POLA1: variants seen among roughly 807,000 people sequenced by gnomAD.
POLA1 encodes the protein DNA polymerase alpha 1, catalytic subunit, also known as DNA polymerase alpha catalytic subunit.
In POLA1, 15 loss-of-function variants were observed where a neutral mutation model predicts 124.0. The observed-to-expected ratio is 0.12, with a 90% CI of 0.08 to 0.19. The LOEUF (loss-of-function observed/expected upper bound fraction) is 0.19. Ranked by LOEUF, POLA1 falls within the 10% of genes least tolerant of loss-of-function variation. The probability of loss-of-function intolerance (pLI) is 1.00; values close to 1 mark genes in which losing one functional copy is unlikely to be tolerated. For missense variants in POLA1, 886 were observed against 1,103.4 expected (o/e 0.80, Z 2.79); for synonymous variants, 408 against 389.4 (o/e 1.05, Z -0.56).
At chrX:24,899,522 C>T in intron 35 of POLA1, among the ~76,000 whole-genome samples, 1 of 111,496 alleles carries the variant, frequency 9.0e-6, no homozygotes, top group Non-Finnish European at 1.9e-5. Flanking sequence ...TCCTAAGCCA[C>T]TCAAGCCTAA....
intron 16 of POLA1, among the ~76,000 whole-genome samples, chrX:24,732,672 T>G (rs1240996038): frequency 9.2e-6 from 1 of 109,254 alleles, no homozygotes; most frequent in Non-Finnish European, 1.9e-5. Flanking sequence ...TTCATTTTTT[T>G]TTTTCTAGGA....
rs552877200 is a variant in POLA1 at position 24,773,285 on chromosome X, T to C, written c.2964+24293T>C. Among the ~76,000 whole-genome samples, 9 of 112,409 alleles carry C rather than the reference T, an allele frequency of 8.0e-5. No individual in the cohort carries two copies. The South Asian group carries it at 3.4e-3, about 42-fold the overall frequency. On this transcript the variant is annotated intron_variant, in intron 26 of 36. Coordinates refer to ENST00000379068, the MANE Select transcript of POLA1 (RefSeq NM_001330360.2). ...GAAAGGTTTTATTAGTGGGTTATTG[T>C]CAACTGGGAGGGACACCTTGTGTGG...
rs1468411786 is a variant in POLA1, at chrX:24,706,132, A to G, written c.346+1663A>G. ...TATTGTTGATCCTTTCTCTTCTTTT[A>G]AAAATTAATGCTTCAGACTCATGTA... On this transcript the variant is annotated intron_variant, in intron 4 of 36. Coordinates refer to ENST00000379068, the MANE Select transcript of POLA1 (RefSeq NM_001330360.2). Among the ~76,000 whole-genome samples the G allele has an allele frequency of 4.5e-5, 5 of 112,333 alleles. No individual in the cohort carries two copies. In the East Asian group the frequency reaches 1.4e-3, roughly 31 times the overall value.
In POLA1 at chrX:24,720,795, A is replaced by G. The variant is rs149613317; in HGVS notation, c.1088-2360A>G. The stretch of plus-strand genomic sequence containing the variant: ...TTGCAGGGTAAGGATCTAGAGCTGC[A>G]TTGTCCACTGTGGTAGCCACCAGCC... On this transcript the variant is annotated intron_variant, in intron 10 of 36. Coordinates refer to ENST00000379068, the MANE Select transcript of POLA1 (RefSeq NM_001330360.2). Among the ~76,000 whole-genome samples, 77 of 112,527 alleles carry G rather than the reference A, an allele frequency of 6.8e-4. No homozygotes were observed. The East Asian group carries it at 0.02, about 30-fold the overall frequency.
intron 36 of POLA1, among the ~76,000 whole-genome samples, chrX:24,959,331 G>C (rs2048143771): frequency 1.8e-5 from 2 of 110,643 alleles, no homozygotes; most frequent in South Asian, 7.9e-4. Flanking sequence ...GGGCATGGTG[G>C]TACACGCCTG....
chrX:24,794,935 A>C (rs2045579099), intron 26 of POLA1, among the ~76,000 whole-genome samples: 1 of 110,686 alleles, frequency 9.0e-6, no homozygotes, highest in Middle Eastern at 4.6e-3. Context: ...TCAAAATCCA[A>C]GTTGGTCTTC....
chrX:24,823,643 A>G (rs765324750), intron 31 of POLA1, among the ~76,000 whole-genome samples: 1 of 111,713 alleles, frequency 9.0e-6, no homozygotes, highest in Non-Finnish European at 1.9e-5. Context: ...ACCTCACGTG[A>G]TCCTCCTGCC....
At chrX:24,883,774 G>A (rs892649567) in intron 34 of POLA1, among the ~76,000 whole-genome samples, 3 of 111,879 alleles carry the variant, frequency 2.7e-5, no homozygotes, top group Non-Finnish European at 3.8e-5. Context: ...ATTTGTGTGC[G>A]GCATTACGTA....
chrX:24,913,310 G>A (rs770352242), intron 35 of POLA1, among the ~76,000 whole-genome samples: 1 of 111,858 alleles, frequency 8.9e-6, no homozygotes, highest in African/African-American at 3.2e-5. Flanking sequence ...AAGAGTGGTT[G>A]TCATGGGTTA....
At chrX:24,955,338 C>T (rs2048095026) in intron 36 of POLA1, among the ~76,000 whole-genome samples, 1 of 107,319 alleles carries the variant, frequency 9.3e-6, no homozygotes, top group South Asian at 4.3e-4. Context: ...CCCCCACCAG[C>T]TAATTCTTTT....
intron 36 of POLA1, among the ~76,000 whole-genome samples, chrX:24,947,784 A>G (rs1421319590): frequency 8.9e-6 from 1 of 112,367 alleles, no homozygotes; most frequent in Non-Finnish European, 1.9e-5. Context: ...AGGCACACGT[A>G]TTAATGGCAA....
At chrX:24,922,069 C>G (rs1020257744) in intron 35 of POLA1, among the ~76,000 whole-genome samples, 4 of 110,337 alleles carry the variant, frequency 3.6e-5, no homozygotes, top group Non-Finnish European at 7.6e-5. Flanking sequence ...ATTACTGAAT[C>G]GAAGAAAACC....
At chrX:24,736,751 C>T (rs953834007) in intron 18 of POLA1, among the ~76,000 whole-genome samples, 2 of 111,890 alleles carry the variant, frequency 1.8e-5, no homozygotes, top group African/African-American at 3.2e-5. Flanking sequence ...ACCATCACCA[C>T]GATCCATCTC....
At chrX:24,788,333 C>CTT (rs58023571) in intron 26 of POLA1, 16,532 of 871,208 alleles carry the variant, frequency 0.019, 31 homozygotes, top group African/African-American at 0.048. Context: ...TTTACTACTT[C>CTT]TTTTTTTTTT....
intron 34 of POLA1, among the ~76,000 whole-genome samples, chrX:24,845,274 A>C (rs1473585453): frequency 9.0e-6 from 1 of 111,490 alleles, no homozygotes; most frequent in Non-Finnish European, 1.9e-5. Context: ...CACTAACATC[A>C]AGTAACAGGT....
At chrX:24,872,958 C>T (rs771270550) in intron 34 of POLA1, among the ~76,000 whole-genome samples, 1 of 111,158 alleles carries the variant, frequency 9.0e-6, no homozygotes, top group East Asian at 2.8e-4. Flanking sequence ...TACTCCCTGC[C>T]CCACACACGT....
intron 36 of POLA1, among the ~76,000 whole-genome samples, chrX:24,973,387 GAAA>G (rs1230706000): frequency 1.8e-5 from 2 of 108,316 alleles, no homozygotes; most frequent in Non-Finnish European, 3.8e-5. Context: ...AGGCAAGAAA[GAAA>G]AAGAAAGAGA....
intron 35 of POLA1, among the ~76,000 whole-genome samples, chrX:24,906,913 A>T (rs1477272914): frequency 1.0e-5 from 1 of 98,037 alleles, no homozygotes; most frequent in African/African-American, 3.8e-5. Flanking sequence ...TAGACGAGGC[A>T]TGGTGCCTCA....
In POLA1 at chrX:24,995,994, C is replaced by T; in HGVS notation, c.*44C>T. 1.8e-6 allele frequency: 2 copies of T among 1,141,798 alleles called. No individual in the cohort carries two copies. The highest frequency in any genetic ancestry group is 2.4e-6 in the Non-Finnish European group (2 of 837,124). The allele number at this position is 1,141,798 out of a possible 1,213,427, so 94.1% of individuals were successfully genotyped here. On this transcript the variant is annotated 3_prime_UTR_variant, in exon 37 of 37. Coordinates refer to ENST00000379068, the MANE Select transcript of POLA1 (RefSeq NM_001330360.2). ...CAAGGAGGGGGTAGTTGAAAAATCC[C>T]AGCTTCCTCTGTGCCTCCACTCTGG...
Sources: gnomAD v4.1 joint callset for allele counts (sites outside exome capture counted in the v4.1 genomes callset) on GRCh38, gnomAD v4.1.1 for gene constraint, MANE v1.5 for transcripts, NCBI Gene and HGNC (gene_info 2026-07-23, HGNC 2026-07-21) for gene names.